Variants in EXPH5 observed in about 807,000 individuals in gnomAD.
EXPH5 encodes exophilin 5.
EXPH5 carries 42 observed loss-of-function variants against 41.1 expected under a neutral mutation model. The observed-to-expected ratio is 1.02, with a 90% CI of 0.80 to 1.32. The LOEUF is 1.32. Among genes scored for constraint, EXPH5 ranks in the 40% most tolerant of loss-of-function variants. EXPH5 has a pLI of 0.00. For synonymous variants in EXPH5, 798 were observed against 833.5 expected, an observed-to-expected ratio of 0.96 and a Z score of 0.73; for missense variants, 2,298 against 2,314.5, an observed-to-expected ratio of 0.99 and a Z score of 0.15.
chr11:108,558,980 A>G (rs1431047760), intron 1 of EXPH5, among the ~76,000 whole-genome samples: 2 of 152,228 alleles, frequency 1.3e-5, no homozygotes, highest in African/African-American at 4.8e-5. Flanking sequence ...GGTGAGTGAA[A>G]GAATTAAGCT....
intron 1 of EXPH5, among the ~76,000 whole-genome samples, chr11:108,578,348 T>A (rs947848203): frequency 3.5e-4 from 53 of 152,214 alleles, no homozygotes; most frequent in Admixed American, 1.4e-3. Flanking sequence ...TGGCTGTAAA[T>A]GTGGATTTAT....
chr11:108,582,688 G>A (rs2094102063), intron 1 of EXPH5, among the ~76,000 whole-genome samples: 1 of 152,224 alleles, frequency 6.6e-6, no homozygotes. Flanking sequence ...CAACAGACAT[G>A]TTTCACAGTT....
chr11:108,596,791 T>A (rs1418165864), upstream of EXPH5, among the ~76,000 whole-genome samples: 1 of 152,162 alleles, frequency 6.6e-6, no homozygotes, highest in Non-Finnish European at 1.5e-5. Context: ...TTGAGAAATT[T>A]TTATATTGAG....
upstream of EXPH5, among the ~76,000 whole-genome samples, chr11:108,593,905 CT>C (rs60390828): frequency 0.015 from 2,234 of 151,990 alleles, 49 homozygotes; most frequent in African/African-American, 0.05. Flanking sequence ...TCCCCGCCCC[CT>C]ATCTGAGTTG....
At position 108,563,156 on chromosome 11, in the gene EXPH5, C is replaced by T. The variant is rs75469165; in HGVS notation, c.120-21344G>A. ...CTAGAGCCAGGGAGCTTAACTGGTACGACTGGAAGAGCTTAATTTTGTCCC... is the reference window on the plus strand; with the variant it reads ...CTAGAGCCAGGGAGCTTAACTGGTATGACTGGAAGAGCTTAATTTTGTCCC... On this transcript the variant is annotated intron_variant, in intron 1 of 5. Transcript: ENST00000265843. Among the ~76,000 whole-genome samples, 392 of 152,252 alleles carry T rather than the reference C, an allele frequency of 2.6e-3. 7 individuals carry two copies. Among genetic ancestry groups the T allele is most frequent in the African/African-American group, 8.7e-3 (362 of 41,530 alleles).
At chr11:108,527,455 CACTGATAAATAT>C (rs2093807662) in intron 4 of EXPH5, among the ~76,000 whole-genome samples, 1 of 152,080 alleles carries the variant, frequency 6.6e-6, no homozygotes, top group Admixed American at 6.6e-5. Context: ...GGCTTCGATC[CACTGATAAATAT>C]ACTTGCTCTC....
chr11:108,511,451 T>G lies in EXPH5; in HGVS notation c.4056A>C (p.Ala1352=). The G allele has an allele frequency of 6.3e-7, 1 of 1,583,388 alleles. No homozygotes were observed. The highest frequency in any genetic ancestry group is 8.6e-7 in the Non-Finnish European group (1 of 1,169,350). ...PTLQEMASVE[A]AVSLPEEESK... is the part of the protein sequence containing the mutation. ...ATTCCTCTTCAGGAAGAGAAACAGC[T>G]GCCTCAACAGAAGCCATTTCCTGTA... Residue 1352 remains alanine (A), a synonymous_variant, in exon 6 of 6, where the codon GCA becomes GCC. Transcript: ENST00000265843.
intron 1 of EXPH5, among the ~76,000 whole-genome samples, chr11:108,542,189 T>C (rs2093916683): frequency 6.6e-6 from 1 of 152,162 alleles, no homozygotes; most frequent in Admixed American, 6.5e-5. Flanking sequence ...CTCAATGCAC[T>C]CTTTAAATTC....
In EXPH5 at chr11:108,551,273, T is replaced by C. The variant is rs563156103; in HGVS notation, c.120-9461A>G. Among the ~76,000 whole-genome samples, 7 of 152,330 alleles carry C rather than the reference T, an allele frequency of 4.6e-5. No individual in the cohort carries two copies. In the South Asian group the frequency reaches 6.2e-4, roughly 14 times the overall value. On this transcript the variant is annotated intron_variant, in intron 1 of 5. Coordinates refer to ENST00000265843, the MANE Select transcript of EXPH5 (RefSeq NM_015065.3). ...TTAACCCCACTAAGAAACAATGCAA[T>C]TGATACAAACTTACAGTGACTTTTG... is the stretch of plus-strand genomic sequence containing the variant.
chr11:108,512,652 G>A lies in EXPH5; in HGVS notation c.2855C>T (p.Thr952Ile), dbSNP rs1591664011. Residue 952 changes from threonine (T) to isoleucine (I), a missense_variant, in exon 6 of 6, where the codon ACA becomes ATA. By Grantham distance (89) the Thr-to-Ile change is moderately conservative. Transcript: ENST00000265843. Reference sequence around the variant, plus strand: ...TTTGACATCAACCACTTCATCATGTGTAGGCACAGGACTATCATTTCTCTC... The same window carrying A: ...TTTGACATCAACCACTTCATCATGTATAGGCACAGGACTATCATTTCTCTC... The part of the protein sequence containing the change: ...NQERNDSPVP[T>I]HDEVVDVKCH... The A allele has an allele frequency of 6.2e-7, 1 of 1,614,114 alleles. No individual in the cohort carries two copies. Among genetic ancestry groups the A allele is most frequent in the Admixed American group, 1.7e-5 (1 of 60,018 alleles).
intron 1 of EXPH5, among the ~76,000 whole-genome samples, chr11:108,562,538 G>A (rs146325612): frequency 1.3e-5 from 2 of 152,282 alleles, no homozygotes; most frequent in Middle Eastern, 3.4e-3. Flanking sequence ...GAATCTGGGA[G>A]GGAGAGGTTG....
At position 108,509,615 on chromosome 11, in the gene EXPH5, C is replaced by G; in HGVS notation, c.5892G>C (p.Val1964=). ...TTGTGTCTGTGTCACAATCTGAGTC[C>G]ACTGGGTCATCCTCATAGATATTAA... is the stretch of plus-strand genomic sequence containing the variant. ...EPLNIYEDDP[V]DSDCDTDTTT... Residue 1964 remains valine (V), a synonymous_variant, in exon 6 of 6, where the codon GTG becomes GTC. Coordinates refer to ENST00000265843, the MANE Select transcript of EXPH5 (RefSeq NM_015065.3). 1.9e-6 allele frequency: 3 copies of G among 1,610,228 alleles called. No individual in the cohort carries two copies. The highest frequency in any genetic ancestry group is 2.5e-6 in the Non-Finnish European group (3 of 1,178,742).
rs138703471 is a variant in EXPH5, at chr11:108,521,790, T to C, written c.493-3417A>G. ...TGCAATTTTGGTAGTTGGTGCAAAG[T>C]AGATATATCTGATTAAGAGAACAGT... On this transcript the variant is annotated intron_variant, in intron 4 of 5. Transcript: ENST00000265843. Among the ~76,000 whole-genome samples the C allele has an allele frequency of 4.6e-5, 7 of 152,352 alleles. No individual in the cohort carries two copies. In the East Asian group the frequency reaches 1.2e-3, roughly 25 times the overall value.
At chr11:108,565,872 A>G (rs2094032404) in intron 1 of EXPH5, among the ~76,000 whole-genome samples, 1 of 152,128 alleles carries the variant, frequency 6.6e-6, no homozygotes, top group Admixed American at 6.5e-5. Context: ...CAACTTTCCA[A>G]CTTTCTCTTT....
At chr11:108,561,311 T>C (rs1299892391) in intron 1 of EXPH5, among the ~76,000 whole-genome samples, 1 of 152,204 alleles carries the variant, frequency 6.6e-6, no homozygotes, top group Non-Finnish European at 1.5e-5. Flanking sequence ...TTGACATTAT[T>C]GGCATAGAAA....
In EXPH5 at chr11:108,513,220, T is replaced by G; in HGVS notation, c.2287A>C (p.Ile763Leu). ...SNGFGFNASTIISSKKSPRVF... is the reference protein window; with the variant it reads ...SNGFGFNASTLISSKKSPRVF... ...CTGGGTGACTTTTTTGAACTTATTA[T>G]GGTAGATGCATTAAAACCAAACCCG... The change falls in exon 6 of 6, where the codon ATA (isoleucine) becomes CTA (leucine). Residue 763 changes from isoleucine (I) to leucine (L), a missense_variant. Transcript: ENST00000265843. 6.2e-7 allele frequency: 1 copy of G among 1,613,826 alleles called. No homozygotes were observed. The highest frequency in any genetic ancestry group is 8.5e-7 in the Non-Finnish European group (1 of 1,179,920).
intron 1 of EXPH5, among the ~76,000 whole-genome samples, chr11:108,571,617 CA>C (rs1379071815): frequency 6.6e-6 from 1 of 152,126 alleles, no homozygotes; most frequent in Non-Finnish European, 1.5e-5. Flanking sequence ...GGGGAGCTCC[CA>C]AGGGCAAACT....
chr11:108,548,373 G>A (rs1236699125), intron 1 of EXPH5, among the ~76,000 whole-genome samples: 1 of 152,090 alleles, frequency 6.6e-6, no homozygotes, highest in East Asian at 1.9e-4. Flanking sequence ...GTTTATGTTA[G>A]TATTTGTTTC....
rs1555198205 is a variant in EXPH5 at position 108,568,177 on chromosome 11, G to GA, written c.119+25240_119+25241insT. The GA allele has an allele frequency of 6.1e-5, 9 of 147,096 alleles. 1 individual carries two copies. Among genetic ancestry groups the GA allele is most frequent in the Non-Finnish European group, 1.3e-4 (9 of 66,742 alleles). The allele number at this position is 147,096 out of a possible 1,614,324, so 9.1% of individuals were successfully genotyped here. On this transcript the variant is annotated intron_variant, in intron 1 of 5. Transcript: ENST00000265843. ...GAAATAAAGTGTCTTACTTTTTTTG[G>GA]GAGGGGGGGAGGGCGTCTCAATAAT... is the stretch of plus-strand genomic sequence containing the variant.
Sources: gnomAD v4.1 joint callset for allele counts (sites outside exome capture counted in the v4.1 genomes callset) on GRCh38, gnomAD v4.1.1 for gene constraint, MANE v1.5 for transcripts, NCBI Gene and HGNC (gene_info 2026-07-23, HGNC 2026-07-21) for gene names.